PDE3A: variants seen among roughly 807,000 people sequenced by gnomAD.
PDE3A encodes cGMP-inhibited 3',5'-cyclic phosphodiesterase 3A.
A neutral mutation model predicts 98.3 loss-of-function variants in PDE3A; 43 were observed. That is an observed-to-expected ratio of 0.44 (90% CI 0.34 to 0.56). The LOEUF (loss-of-function observed/expected upper bound fraction) is 0.56. PDE3A is among the 20% of genes least tolerant of loss of function. The pLI is 0.01. For missense variants in PDE3A, 1,427 were observed against 1,440.7 expected, an observed-to-expected ratio of 0.99 and a Z score of 0.15; for synonymous variants, 663 against 567.9, an observed-to-expected ratio of 1.17 and a Z score of -2.38.
At chr12:20,431,591 G>GAA (rs1279320505) in intron 1 of PDE3A, among the ~76,000 whole-genome samples, 2 of 102,024 alleles carry the variant, frequency 2.0e-5, no homozygotes, top group East Asian at 6.5e-4. Flanking sequence ...GACTAGTCAG[G>GAA]AAAACACACA....
chr12:20,509,786 A>G (rs1946186989), intron 1 of PDE3A, among the ~76,000 whole-genome samples: 1 of 149,406 alleles, frequency 6.7e-6, no homozygotes, highest in Non-Finnish European at 1.5e-5. Context: ...TGAAGCTCAT[A>G]TATTTTTTTA....
intron 1 of PDE3A, among the ~76,000 whole-genome samples, chr12:20,447,628 C>T: frequency 6.6e-6 from 1 of 152,156 alleles, no homozygotes; most frequent in East Asian, 1.9e-4. Context: ...AGCTCTGCAC[C>T]CCTTCTCCTA....
intron 1 of PDE3A, among the ~76,000 whole-genome samples, chr12:20,419,150 T>C (rs1239375001): frequency 6.6e-6 from 1 of 152,208 alleles, no homozygotes; most frequent in Non-Finnish European, 1.5e-5. Flanking sequence ...GAAATTTCTT[T>C]TAAAAATCTT....
chr12:20,398,523 C>A (rs897278592), intron 1 of PDE3A, among the ~76,000 whole-genome samples: 1 of 151,782 alleles, frequency 6.6e-6, no homozygotes, highest in Non-Finnish European at 1.5e-5. Flanking sequence ...AGAAAGCCAT[C>A]AAAAAAACTG....
chr12:20,546,569 A>T (rs1942064544), intron 1 of PDE3A, among the ~76,000 whole-genome samples: 2 of 152,074 alleles, frequency 1.3e-5, no homozygotes, highest in Admixed American at 1.3e-4. Context: ...TTAAGGAAAA[A>T]GAGTATGCCA....
chr12:20,642,070 G>T (rs1944658365), intron 10 of PDE3A, among the ~76,000 whole-genome samples: 1 of 151,666 alleles, frequency 6.6e-6, no homozygotes, highest in Non-Finnish European at 1.5e-5. Flanking sequence ...TATTTATTTT[G>T]GACTATATTT....
At chr12:20,385,733 G>A (rs900518497) in intron 1 of PDE3A, among the ~76,000 whole-genome samples, 8 of 149,990 alleles carry the variant, frequency 5.3e-5, no homozygotes, top group African/African-American at 1.5e-4. Flanking sequence ...GGTGGGAATT[G>A]AACAATAAGA....
At chr12:20,371,139 TATA>T (rs1943466452) in intron 1 of PDE3A, among the ~76,000 whole-genome samples, 1 of 152,228 alleles carries the variant, frequency 6.6e-6, no homozygotes, top group South Asian at 2.1e-4. Flanking sequence ...AACCTGGGAT[TATA>T]AAGTTGTAAA....
At chr12:20,411,477 G>C (rs2120710219) in intron 1 of PDE3A, among the ~76,000 whole-genome samples, 1 of 151,900 alleles carries the variant, frequency 6.6e-6, no homozygotes, top group East Asian at 2.0e-4. Context: ...ATGTGTCAGA[G>C]TTTTGACATT....
chr12:20,666,428 C>G (rs551963230), intron 15 of PDE3A, among the ~76,000 whole-genome samples: 3 of 152,276 alleles, frequency 2.0e-5, no homozygotes, highest in East Asian at 3.9e-4. Context: ...TTCCTCCTAA[C>G]CCCCAACCAT....
chr12:20,659,305 T>C (rs1945107635), intron 15 of PDE3A, among the ~76,000 whole-genome samples: 1 of 152,094 alleles, frequency 6.6e-6, no homozygotes, highest in Admixed American at 6.6e-5. Context: ...AAAAATTAAT[T>C]TTATTCTGTA....
chr12:20,448,160 A>G (rs1416141268), intron 1 of PDE3A, among the ~76,000 whole-genome samples: 1 of 152,098 alleles, frequency 6.6e-6, no homozygotes, highest in African/African-American at 2.4e-5. Context: ...ATTCTAGAAG[A>G]GGTGGTGGCT....
intron 1 of PDE3A, among the ~76,000 whole-genome samples, chr12:20,523,264 G>A (rs1946462045): frequency 6.6e-6 from 1 of 152,098 alleles, no homozygotes; most frequent in African/African-American, 2.4e-5. Context: ...TCACAGGCCA[G>A]GGCTTCTTGC....
At chr12:20,619,900 G>T (rs1331897153) in intron 4 of PDE3A, among the ~76,000 whole-genome samples, 3 of 151,942 alleles carry the variant, frequency 2.0e-5, no homozygotes, top group African/African-American at 7.2e-5. Context: ...GTGTCAAATT[G>T]ACCTCAACAC....
At position 20,681,392 on chromosome 12, in the gene PDE3A, A is replaced by T. The variant is rs1565477769; in HGVS notation, c.*1121A>T. On this transcript the variant is annotated 3_prime_UTR_variant, in exon 16 of 16. Transcript: ENST00000359062. ...GCTTGGGAAATTGTACTTCAGCGTG[A>T]TAGCCTGTGTCTTCTTAATTTGCTG... 1 of 152,220 alleles carries T rather than the reference A, an allele frequency of 6.6e-6. No homozygotes were observed. The highest frequency in any genetic ancestry group is 1.5e-5 in the Non-Finnish European group (1 of 68,052). 9.4% of individuals were successfully genotyped at this position (152,220 alleles called of 1,614,324 possible).
intron 2 of PDE3A, among the ~76,000 whole-genome samples, chr12:20,598,519 G>A (rs1943518192): frequency 6.6e-6 from 1 of 152,098 alleles, no homozygotes; most frequent in East Asian, 1.9e-4. Context: ...GTTTAATGTT[G>A]TGTTAAAAAA....
intron 1 of PDE3A, chr12:20,371,413 T>C (rs1943473191): frequency 1.0e-6 from 1 of 983,254 alleles, no homozygotes; most frequent in Admixed American, 6.1e-5. Context: ...TCCCTTTAAA[T>C]TAATGCCTAC....
At chr12:20,481,786 T>TTTTTTTTTTTTG (rs1945631422) in intron 1 of PDE3A, among the ~76,000 whole-genome samples, 1 of 143,434 alleles carries the variant, frequency 7.0e-6, no homozygotes. Flanking sequence ...TTTTTTTTTT[T>TTTTTTTTTTTTG]GAGCAGAGTC....
intron 1 of PDE3A, among the ~76,000 whole-genome samples, chr12:20,465,671 A>C (rs1945330224): frequency 6.6e-6 from 1 of 152,152 alleles, no homozygotes; most frequent in Non-Finnish European, 1.5e-5. Context: ...AGCCTCCCAA[A>C]GTACTGGGAT....
Sources: allele counts gnomAD v4.1 joint callset (sites outside exome capture counted in the v4.1 genomes callset), GRCh38; gene constraint gnomAD v4.1.1; transcripts MANE v1.5; gene names NCBI Gene and HGNC (gene_info 2026-07-23, HGNC 2026-07-21).